HHAT: variants seen among roughly 807,000 people sequenced by gnomAD.
The protein encoded by HHAT is protein-cysteine N-palmitoyltransferase HHAT.
HHAT carries 47 observed loss-of-function variants against 70.8 expected under a neutral mutation model. The ratio of observed to expected loss-of-function variants is 0.66; its 90% confidence interval spans 0.53 to 0.85. HHAT has a LOEUF of 0.85. HHAT is among the 40% of genes least tolerant of loss of function. The pLI is 0.00. For missense variants in HHAT, 609 were observed against 604.8 expected (o/e 1.01, Z -0.07); for synonymous variants, 228 against 247.6 (o/e 0.92, Z 0.74).
intron 8 of HHAT, among the ~76,000 whole-genome samples, chr1:210,500,399 C>T (rs948259561): frequency 3.3e-5 from 5 of 152,306 alleles, no homozygotes; most frequent in Admixed American, 1.3e-4. Flanking sequence ...GACCTGCTGG[C>T]ACCTTTTTGG....
chr1:210,513,299 T>C lies in HHAT; in HGVS notation c.1043+111T>C, dbSNP rs188315079. The C allele has an allele frequency of 4.6e-4, 274 of 594,932 alleles. No homozygotes were observed. The African/African-American group carries it at 4.8e-3, about 10-fold the overall frequency. The allele number at this position is 594,932 out of a possible 1,614,324, so 36.9% of individuals were successfully genotyped here. On this transcript the variant is annotated intron_variant, in intron 9 of 11. Coordinates refer to ENST00000261458, the MANE Select transcript of HHAT (RefSeq NM_018194.6). ...TGATAAATAATGGCACTTATATATA[T>C]ACTTGTCAAGAAAACATTGCTAACA...
At chr1:210,499,630 GAGAC>G (rs2148540222) in intron 8 of HHAT, among the ~76,000 whole-genome samples, 1 of 130,874 alleles carries the variant, frequency 7.6e-6, no homozygotes, top group Admixed American at 8.6e-5. Flanking sequence ...GTGACAAAGA[GAGAC>G]TTTCTCTCTC....
At chr1:210,374,427 CT>C (rs1033560266) in intron 3 of HHAT, among the ~76,000 whole-genome samples, 12 of 151,776 alleles carry the variant, frequency 7.9e-5, no homozygotes, top group Admixed American at 5.2e-4. Flanking sequence ...AAGAAATATT[CT>C]TTTAAGCTTT....
intron 7 of HHAT, among the ~76,000 whole-genome samples, chr1:210,421,585 C>T (rs2092905803): frequency 1.3e-5 from 2 of 152,226 alleles, no homozygotes; most frequent in South Asian, 4.1e-4. Flanking sequence ...GCTGGGATTA[C>T]AGGCATGCAC....
intron 8 of HHAT, among the ~76,000 whole-genome samples, chr1:210,472,485 G>A (rs192558484): frequency 6.6e-6 from 1 of 152,300 alleles, no homozygotes; most frequent in East Asian, 1.9e-4. Context: ...TCTCCTTCGT[G>A]ATCTGGAGTA....
At chr1:210,403,300 A>G (rs1228966303) in intron 5 of HHAT, among the ~76,000 whole-genome samples, 2 of 152,252 alleles carry the variant, frequency 1.3e-5, no homozygotes, top group Admixed American at 6.5e-5. Flanking sequence ...TACAGTAAAA[A>G]TAAAAACAAG....
At chr1:210,446,380 A>G (rs780132687) in intron 7 of HHAT, among the ~76,000 whole-genome samples, 1 of 152,226 alleles carries the variant, frequency 6.6e-6, no homozygotes, top group African/African-American at 2.4e-5. Context: ...CATATTAACC[A>G]AGATACCAAT....
chr1:210,369,642 A>T (rs1470549426), intron 3 of HHAT: 1 of 152,224 alleles, frequency 6.6e-6, no homozygotes, highest in Non-Finnish European at 1.5e-5. Flanking sequence ...CTCTGTCCTA[A>T]GTGGGCTCTG....
At chr1:210,469,645 G>T (rs971418047) in intron 8 of HHAT, among the ~76,000 whole-genome samples, 1 of 152,040 alleles carries the variant, frequency 6.6e-6, no homozygotes, top group African/African-American at 2.4e-5. Flanking sequence ...ATTACAAATA[G>T]AGTAAAATTT....
chr1:210,441,325 A>C (rs1223317486), intron 7 of HHAT, among the ~76,000 whole-genome samples: 4 of 152,168 alleles, frequency 2.6e-5, no homozygotes, highest in Non-Finnish European at 5.9e-5. Flanking sequence ...TTACATAGGA[A>C]ATCTGAAGCC....
At chr1:210,514,444 G>A (rs1189552550) in intron 9 of HHAT, among the ~76,000 whole-genome samples, 1 of 152,202 alleles carries the variant, frequency 6.6e-6, no homozygotes, top group African/African-American at 2.4e-5. Context: ...AGAAGAATCT[G>A]TCTGGATGTA....
chr1:210,620,134 T>A (rs1037108299), intron 10 of HHAT, among the ~76,000 whole-genome samples: 2 of 151,422 alleles, frequency 1.3e-5, no homozygotes, highest in African/African-American at 2.4e-5. Flanking sequence ...GAAAGGAGAG[T>A]GTAAGAGAAA....
intron 6 of HHAT, among the ~76,000 whole-genome samples, chr1:210,411,509 T>A (rs191580031): frequency 2.2e-4 from 34 of 152,242 alleles, no homozygotes; most frequent in African/African-American, 8.2e-4. Flanking sequence ...ATCCCAGTGC[T>A]TTGGGAGGCT....
intron 10 of HHAT, among the ~76,000 whole-genome samples, chr1:210,596,035 T>A (rs1662917991): frequency 6.6e-6 from 1 of 152,226 alleles, no homozygotes; most frequent in Admixed American, 6.5e-5. Flanking sequence ...AGACATGAAG[T>A]CCTTGCCCAT....
intron 8 of HHAT, among the ~76,000 whole-genome samples, chr1:210,497,555 T>C (rs2094672408): frequency 6.6e-6 from 1 of 152,182 alleles, no homozygotes; most frequent in African/African-American, 2.4e-5. Flanking sequence ...CTTGGTTTGA[T>C]GTTGACTGTT....
chr1:210,629,292 T>C (rs1478772663), intron 11 of HHAT, among the ~76,000 whole-genome samples: 1 of 152,232 alleles, frequency 6.6e-6, no homozygotes, highest in Non-Finnish European at 1.5e-5. Context: ...AGGCATAGAA[T>C]GTGAGGAATA....
Position 210,588,115 on chromosome 1 carries a change from G to T in HHAT, c.1245+16G>T. Reference sequence around the variant, plus strand: ...GGACAGTCTGGTGAGCAGGATCCTTGCTGCTGTGTTAGGGGACAGTGGAAC... The same window carrying T: ...GGACAGTCTGGTGAGCAGGATCCTTTCTGCTGTGTTAGGGGACAGTGGAAC... On this transcript the variant is annotated intron_variant, in intron 10 of 11. Transcript: ENST00000261458. 1 of 1,583,334 alleles carries T rather than the reference G, an allele frequency of 6.3e-7. No homozygotes were observed. The highest frequency in any genetic ancestry group is 8.6e-7 in the Non-Finnish European group (1 of 1,166,392).
intron 6 of HHAT, among the ~76,000 whole-genome samples, chr1:210,407,390 C>T (rs531072787): frequency 5.3e-4 from 81 of 152,326 alleles, no homozygotes; most frequent in African/African-American, 1.7e-3. Flanking sequence ...AGGAGAATGA[C>T]GCTGCACCAC....
chr1:210,598,604 G>A (rs1450645120), intron 10 of HHAT, among the ~76,000 whole-genome samples: 4 of 152,116 alleles, frequency 2.6e-5, no homozygotes, highest in African/African-American at 9.7e-5. Flanking sequence ...GCTGTGACAG[G>A]GCAGCCCTGA....
Sources: allele counts gnomAD v4.1 joint callset (sites outside exome capture counted in the v4.1 genomes callset), GRCh38; gene constraint gnomAD v4.1.1; transcripts MANE v1.5; gene names NCBI Gene and HGNC (gene_info 2026-07-23, HGNC 2026-07-21).